Variants in SHISA6 observed in about 807,000 individuals in gnomAD.
SHISA6 encodes protein shisa-6.
SHISA6 carries 22 observed loss-of-function variants against 47.9 expected under a neutral mutation model. The ratio of observed to expected loss-of-function variants is 0.46; its 90% confidence interval spans 0.33 to 0.66. SHISA6 has a LOEUF of 0.66. Among genes scored for constraint, SHISA6 ranks in the 30% least tolerant of loss-of-function variants. The probability of loss-of-function intolerance (pLI) is 0.02; values close to 1 mark genes in which losing one functional copy is unlikely to be tolerated. For missense variants in SHISA6, 680 were observed against 764.6 expected (o/e 0.89, Z 1.30); for synonymous variants, 388 against 337.8 (o/e 1.15, Z -1.63).
At chr17:11,318,005 T>A (rs532042162) in intron 2 of SHISA6, among the ~76,000 whole-genome samples, 66 of 152,338 alleles carry the variant, frequency 4.3e-4, no homozygotes, top group Non-Finnish European at 6.2e-4. Flanking sequence ...ACTTCTGCAT[T>A]GGATTATTTT....
chr17:11,357,120 G>A (rs1046800554), intron 2 of SHISA6, among the ~76,000 whole-genome samples: 1 of 146,574 alleles, frequency 6.8e-6, no homozygotes, highest in Non-Finnish European at 1.5e-5. Context: ...CCCGGGAGGC[G>A]GAGCTTGCAG....
intron 3 of SHISA6, among the ~76,000 whole-genome samples, chr17:11,419,781 A>G (rs967292482): frequency 5.9e-5 from 9 of 152,164 alleles, no homozygotes; most frequent in Non-Finnish European, 7.3e-5. Context: ...TTTGCATTCC[A>G]TTTCCACCAC....
At chr17:11,431,148 C>A (rs1914761011) in intron 3 of SHISA6, among the ~76,000 whole-genome samples, 1 of 152,160 alleles carries the variant, frequency 6.6e-6, no homozygotes, top group African/African-American at 2.4e-5. Flanking sequence ...TCTCATGTCC[C>A]CCCTGAGTCA....
At chr17:11,363,484 A>G (rs1463309031) in intron 2 of SHISA6, among the ~76,000 whole-genome samples, 1 of 152,174 alleles carries the variant, frequency 6.6e-6, no homozygotes, top group African/African-American at 2.4e-5. Flanking sequence ...AAGAGTAAAT[A>G]TTGGTGGTTT....
intron 3 of SHISA6, among the ~76,000 whole-genome samples, chr17:11,455,556 T>C (rs922871068): frequency 1.3e-5 from 2 of 151,846 alleles, no homozygotes; most frequent in African/African-American, 2.4e-5. Flanking sequence ...TGGAAGTGTG[T>C]GTACAAGCGT....
At chr17:11,537,365 G>T (rs75974650) in intron 3 of SHISA6, among the ~76,000 whole-genome samples, 2 of 152,044 alleles carry the variant, frequency 1.3e-5, no homozygotes, top group Non-Finnish European at 2.9e-5. Flanking sequence ...CGGCGGGGGG[G>T]ATCCCACTTT....
At chr17:11,436,497 C>T (rs1220749823) in intron 3 of SHISA6, among the ~76,000 whole-genome samples, 7 of 152,176 alleles carry the variant, frequency 4.6e-5, no homozygotes, top group African/African-American at 1.7e-4. Context: ...TTTCTGACTC[C>T]ACCACATCCC....
intron 2 of SHISA6, among the ~76,000 whole-genome samples, chr17:11,305,270 C>A (rs752748596): frequency 2.6e-5 from 4 of 152,224 alleles, no homozygotes; most frequent in Admixed American, 6.5e-5. Flanking sequence ...TTCCATAAAA[C>A]TAGCTACTTC....
rs149872113 is a variant in SHISA6, at chr17:11,428,824, G to A, written c.895+49315G>A. Among the ~76,000 whole-genome samples, 87 of 133,256 alleles carry A rather than the reference G, an allele frequency of 6.5e-4. No individual in the cohort carries two copies. The East Asian group carries it at 0.014, about 22-fold the overall frequency. The allele number at this position is 133,256 out of a possible 152,430, so 87.4% of individuals were successfully genotyped here. ...TTTTGAGACAGAGTTTTGCTCTGTC[G>A]CCCAGGCTGGAGTGCAGTGGCACGA... On this transcript the variant is annotated intron_variant, in intron 3 of 5. Coordinates refer to ENST00000441885, the MANE Select transcript of SHISA6 (RefSeq NM_207386.4).
chr17:11,282,709 A>G (rs1205825660), intron 2 of SHISA6, among the ~76,000 whole-genome samples: 2 of 152,176 alleles, frequency 1.3e-5, no homozygotes, highest in African/African-American at 4.8e-5. Context: ...TCATCCAGAT[A>G]CATGGTATTC....
chr17:11,386,766 C>T (rs62061047), intron 3 of SHISA6, among the ~76,000 whole-genome samples: 2 of 152,126 alleles, frequency 1.3e-5, no homozygotes, highest in Non-Finnish European at 1.5e-5. Flanking sequence ...ATAGGCCACA[C>T]GGCCACAGGT....
At position 11,525,243 on chromosome 17, in the gene SHISA6, C is replaced by T. The variant is rs118001256; in HGVS notation, c.896-26653C>T. On this transcript the variant is annotated intron_variant, in intron 3 of 5. Transcript: ENST00000441885. Reference sequence around the variant, plus strand: ...GAGAAATGGAATCTTCTCAGTTATACGATTCATCATGCCCACAAGAAGAAC... The same window carrying T: ...GAGAAATGGAATCTTCTCAGTTATATGATTCATCATGCCCACAAGAAGAAC... 5.1e-4 allele frequency among the ~76,000 whole-genome samples: 78 copies of T among 152,224 alleles called. No individual in the cohort carries two copies. In the East Asian group the frequency reaches 0.012, roughly 23 times the overall value.
intron 3 of SHISA6, among the ~76,000 whole-genome samples, chr17:11,453,014 G>A (rs549586997): frequency 9.0e-5 from 13 of 143,892 alleles, no homozygotes; most frequent in East Asian, 6.3e-4. Context: ...CCCTCAATCC[G>A]GATCCAGGTC....
intron 3 of SHISA6, among the ~76,000 whole-genome samples, chr17:11,551,539 C>T (rs767688457): frequency 6.6e-6 from 1 of 152,094 alleles, no homozygotes; most frequent in Non-Finnish European, 1.5e-5. Context: ...AATCTGCTTC[C>T]CCGGCTTAGT....
intron 3 of SHISA6, among the ~76,000 whole-genome samples, chr17:11,476,971 T>TA (rs1008614124): frequency 6.6e-6 from 1 of 152,212 alleles, no homozygotes; most frequent in African/African-American, 2.4e-5. Flanking sequence ...TAAAAACTGT[T>TA]ACGTCTTCTT....
chr17:11,414,991 C>T (rs1914237041), intron 3 of SHISA6, among the ~76,000 whole-genome samples: 1 of 151,400 alleles, frequency 6.6e-6, no homozygotes, highest in African/African-American at 2.4e-5. Flanking sequence ...GAGGCTGAGA[C>T]AGGAGAATCG....
intron 3 of SHISA6, among the ~76,000 whole-genome samples, chr17:11,418,374 T>G (rs1914348411): frequency 6.6e-6 from 1 of 152,174 alleles, no homozygotes. Context: ...AGAGATTTCT[T>G]TGTTACATTT....
At chr17:11,421,490 C>A (rs1382702279) in intron 3 of SHISA6, among the ~76,000 whole-genome samples, 1 of 152,168 alleles carries the variant, frequency 6.6e-6, no homozygotes, top group East Asian at 1.9e-4. Context: ...CTGGTCCCTG[C>A]AGCACTGCCT....
intron 3 of SHISA6, among the ~76,000 whole-genome samples, chr17:11,520,011 CT>C (rs1048667783): frequency 1.1e-4 from 16 of 151,928 alleles, no homozygotes; most frequent in African/African-American, 3.9e-4. Flanking sequence ...GACCTTTTCT[CT>C]CTCCTCTCTG....
Sources: allele counts gnomAD v4.1 joint callset (sites outside exome capture counted in the v4.1 genomes callset), GRCh38; gene constraint gnomAD v4.1.1; transcripts MANE v1.5; gene names NCBI Gene and HGNC (gene_info 2026-07-23, HGNC 2026-07-21).